Variants in WWOX observed in about 807,000 individuals in gnomAD.
WWOX encodes the protein WW domain containing oxidoreductase, also known as WW domain-containing oxidoreductase.
A neutral mutation model predicts 46.2 loss-of-function variants in WWOX; 69 were observed. The observed-to-expected ratio is 1.49, with a 90% confidence interval of 1.23 to 1.82. The LOEUF (loss-of-function observed/expected upper bound fraction) is 1.82, where lower values mean the gene tolerates loss of function less well. WWOX is among the 40% of genes most tolerant of loss of function. WWOX has a pLI of 0.00. For synonymous variants in WWOX, 359 were observed against 202.6 expected (o/e 1.77, Z -6.56); for missense variants, 919 against 542.6 (o/e 1.69, Z -6.89).
At chr16:79,129,898 C>T (rs112286473) in intron 8 of WWOX, among the ~76,000 whole-genome samples, 27 of 152,246 alleles carry the variant, frequency 1.8e-4, no homozygotes, top group Admixed American at 2.0e-4. Flanking sequence ...GAAGTGTAAG[C>T]GTCGCTGTTC....
chr16:79,192,847 A>C (rs2051164094), intron 8 of WWOX, among the ~76,000 whole-genome samples: 1 of 152,174 alleles, frequency 6.6e-6, no homozygotes, highest in African/African-American at 2.4e-5. Flanking sequence ...TGGGAAAGTC[A>C]CTTAGCCTCT....
chr16:78,619,956 C>G (rs971573252), intron 8 of WWOX, among the ~76,000 whole-genome samples: 1 of 152,098 alleles, frequency 6.6e-6, no homozygotes, highest in Admixed American at 6.5e-5. Flanking sequence ...TAGGCCTTAT[C>G]TTTATCTGAG....
intron 8 of WWOX, among the ~76,000 whole-genome samples, chr16:78,462,078 C>T (rs73574917): frequency 5.9e-5 from 9 of 152,260 alleles, no homozygotes; most frequent in Non-Finnish European, 1.3e-4. Flanking sequence ...TGACCAGGGT[C>T]TAGCAGTCAT....
chr16:78,197,783 T>C (rs1265575119), intron 5 of WWOX, among the ~76,000 whole-genome samples: 1 of 152,146 alleles, frequency 6.6e-6, no homozygotes, highest in Non-Finnish European at 1.5e-5. Context: ...AATCAAGACA[T>C]ACTGACAAGG....
intron 8 of WWOX, among the ~76,000 whole-genome samples, chr16:78,710,483 TA>T (rs2142321641): frequency 1.5e-5 from 2 of 129,666 alleles, no homozygotes; most frequent in South Asian, 4.6e-4. Flanking sequence ...CATATATATA[TA>T]TATATATATA....
rs147604583 is a variant in WWOX, at chr16:79,110,129, G to A, written c.1057-101479G>A. ...CACCCAGGACCCCCATTTAATCAGC[G>A]ACTCCTATGGCTGTTTGGGGGCTCT... On this transcript the variant is annotated intron_variant, in intron 8 of 8. Coordinates refer to ENST00000566780, the MANE Select transcript of WWOX (RefSeq NM_016373.4). Among the ~76,000 whole-genome samples, 1,178 of 152,178 alleles carry A rather than the reference G, an allele frequency of 7.7e-3. 17 individuals are homozygous for A. The highest frequency in any genetic ancestry group is 0.027 in the African/African-American group (1,114 of 41,506).
chr16:78,679,199 GT>G (rs78139562), intron 8 of WWOX, among the ~76,000 whole-genome samples: 11,802 of 152,176 alleles, frequency 0.078, 681 homozygotes, highest in East Asian at 0.16. Context: ...TAGATTACAG[GT>G]GCCCGAGATC....
chr16:78,291,951 CT>C (rs1438948324), intron 5 of WWOX, among the ~76,000 whole-genome samples: 8 of 151,952 alleles, frequency 5.3e-5, no homozygotes, highest in African/African-American at 1.9e-4. Flanking sequence ...CCAGATTGAT[CT>C]TTTCTGGATA....
intron 8 of WWOX, among the ~76,000 whole-genome samples, chr16:78,578,413 C>T (rs905742956): frequency 6.7e-6 from 1 of 149,128 alleles, no homozygotes; most frequent in East Asian, 2.0e-4. Flanking sequence ...CCTCAGCCTC[C>T]TGAGTAGCTG....
At chr16:79,073,980 G>C (rs1056677900) in intron 8 of WWOX, among the ~76,000 whole-genome samples, 2 of 146,700 alleles carry the variant, frequency 1.4e-5, no homozygotes, top group South Asian at 2.3e-4. Flanking sequence ...CCTTCACAAA[G>C]TTATTTGCCA....
chr16:78,172,705 G>A (rs146984559), intron 5 of WWOX, among the ~76,000 whole-genome samples: 33 of 152,096 alleles, frequency 2.2e-4, no homozygotes, highest in Non-Finnish European at 3.8e-4. Context: ...GTTTTAAAGA[G>A]TGAAAGTCAA....
In WWOX at chr16:78,716,202, G is replaced by A. The variant is rs533140407; in HGVS notation, c.1056+283450G>A. Among the ~76,000 whole-genome samples the A allele has an allele frequency of 1.2e-4, 18 of 152,174 alleles. No homozygotes were observed. The South Asian group carries it at 3.5e-3, about 30-fold the overall frequency. On this transcript the variant is annotated intron_variant, in intron 8 of 8. Transcript: ENST00000566780. The stretch of plus-strand genomic sequence containing the variant: ...GGAAGATGATGTGAAGAAAAACATA[G>A]GGCCGTGTAGAGGCAGAGGCAGAGA...
At chr16:79,145,827 A>T (rs1204040973) in intron 8 of WWOX, among the ~76,000 whole-genome samples, 2 of 152,304 alleles carry the variant, frequency 1.3e-5, no homozygotes, top group East Asian at 3.9e-4. Flanking sequence ...ATAGAAAAAA[A>T]CCCCATTCAA....
chr16:79,105,767 A>G (rs1001960674), intron 8 of WWOX, among the ~76,000 whole-genome samples: 3 of 152,068 alleles, frequency 2.0e-5, no homozygotes, highest in African/African-American at 2.4e-5. Flanking sequence ...GATGCCAGCA[A>G]TCCTCCCACC....
chr16:79,210,445 A>G (rs1351786177), intron 8 of WWOX, among the ~76,000 whole-genome samples: 6 of 152,192 alleles, frequency 3.9e-5, no homozygotes, highest in Admixed American at 3.9e-4. Context: ...GCAGGGGCAG[A>G]AAAATGATAA....
At chr16:78,266,589 C>G (rs145999476) in intron 5 of WWOX, among the ~76,000 whole-genome samples, 1 of 152,294 alleles carries the variant, frequency 6.6e-6, no homozygotes, top group East Asian at 1.9e-4. Flanking sequence ...AGTCTTGGCT[C>G]TGTGCTGACT....
At chr16:78,880,554 C>G (rs979214753) in intron 8 of WWOX, among the ~76,000 whole-genome samples, 1 of 152,218 alleles carries the variant, frequency 6.6e-6, no homozygotes, top group Non-Finnish European at 1.5e-5. Context: ...AAACTGCAAT[C>G]TTGCATCATT....
chr16:78,149,281 G>C (rs888928012), intron 4 of WWOX, among the ~76,000 whole-genome samples: 2 of 152,192 alleles, frequency 1.3e-5, no homozygotes, highest in African/African-American at 4.8e-5. Flanking sequence ...TTTTTTACTG[G>C]TTGGAAGTAT....
chr16:78,786,144 C>T (rs1057334686), intron 8 of WWOX, among the ~76,000 whole-genome samples: 7 of 152,196 alleles, frequency 4.6e-5, no homozygotes, highest in South Asian at 2.1e-4. Context: ...TCCTGCCCTC[C>T]GGTGATCTGC....
Sources: gnomAD v4.1 joint callset for allele counts (sites outside exome capture counted in the v4.1 genomes callset) on GRCh38, gnomAD v4.1.1 for gene constraint, MANE v1.5 for transcripts, NCBI Gene and HGNC (gene_info 2026-07-23, HGNC 2026-07-21) for gene names.